MXRA5: variants seen among roughly 807,000 people sequenced by gnomAD.
MXRA5 encodes matrix-remodeling-associated protein 5.
A neutral mutation model predicts 112.5 loss-of-function variants in MXRA5; 41 were observed. The ratio of observed to expected loss-of-function variants is 0.36; its 90% CI spans 0.28 to 0.47. The LOEUF (loss-of-function observed/expected upper bound fraction) is 0.47. Ranked by LOEUF, MXRA5 falls within the 20% of genes least tolerant of loss-of-function variation. The pLI is 0.99. For synonymous variants in MXRA5, 862 were observed against 900.8 expected (o/e 0.96, Z 0.77); for missense variants, 2,150 against 2,251.0 (o/e 0.96, Z 0.91).
chrX:3,325,998 T>A (rs1156441325), intron 4 of MXRA5, among the ~76,000 whole-genome samples: 1 of 64,359 alleles, frequency 1.6e-5, no homozygotes, highest in South Asian at 9.8e-4. Flanking sequence ...ATTTATATAT[T>A]ATATATTATA....
Position 3,310,005 on chromosome X carries a change from G to A in MXRA5, c.8198C>T (p.Pro2733Leu). ...CGGGGTGGGCTCGCTGGTGATCCGG[G>A]GAGGATAGGCGATCACAATCACGGG... ...SIPVIVIAYP[P>L]RITSEPTPVI... is the part of the protein sequence containing the mutation. Residue 2733 changes from proline (P) to leucine (L), a missense_variant, in exon 7 of 7, where the codon CCC (proline) becomes CTC (leucine). Transcript: ENST00000217939. 1.7e-6 allele frequency: 2 copies of A among 1,211,537 alleles called. No individual in the cohort carries two copies. The highest frequency in any genetic ancestry group is 2.2e-6 in the Non-Finnish European group (2 of 895,429).
Position 3,324,700 on chromosome X carries a change from T to C in MXRA5, c.985A>G (p.Met329Val). The change falls in exon 5 of 7, where the codon ATG becomes GTG. Residue 329 changes from methionine to valine, a missense_variant. Around this residue, in one of 6 missense-constraint regions of MXRA5, gnomAD observed 386 missense variants for 411.0 expected, o/e 0.94. Coordinates refer to ENST00000217939, the MANE Select transcript of MXRA5 (RefSeq NM_015419.4). ...SLNMTDEHGN[M>V]VNLVCDIKKP... Reference sequence around the variant, plus strand: ...TTGATGTCACAGACCAAGTTCACCATGTTCCCGTGCTCGTCGGTCATATTC... The same window carrying C: ...TTGATGTCACAGACCAAGTTCACCACGTTCCCGTGCTCGTCGGTCATATTC... The C allele has an allele frequency of 8.3e-7, 1 of 1,210,705 alleles. No individual in the cohort carries two copies. The highest frequency in any genetic ancestry group is 1.8e-5 in the South Asian group (1 of 56,901).
chrX:3,320,126 T>A lies in MXRA5; in HGVS notation c.5559A>T (p.Pro1853=). The A allele has an allele frequency of 8.3e-7, 1 of 1,210,576 alleles. No homozygotes were observed. The change falls in exon 5 of 7, where the codon CCA becomes CCT. Residue 1853 remains proline (P), a synonymous_variant. Transcript: ENST00000217939. ...ASKFWSLGEK[P]QILTKSPQTV... ...TCTGTGGGGACTTGGTGAGGATTTG[T>A]GGCTTTTCCCCAAGAGACCAGAATT...
At chrX:3,333,438 G>C (rs1443548069) in intron 2 of MXRA5, among the ~76,000 whole-genome samples, 1 of 108,697 alleles carries the variant, frequency 9.2e-6, no homozygotes, top group African/African-American at 3.4e-5. Context: ...CTATTACCTA[G>C]TGGTACTTTG....
intron 4 of MXRA5, among the ~76,000 whole-genome samples, chrX:3,327,830 A>G (rs757259964): frequency 6.2e-5 from 7 of 113,139 alleles, no homozygotes; most frequent in South Asian, 3.6e-4. Flanking sequence ...CTCACTATAT[A>G]AAACTAACCT....
rs1428747814 is a variant in MXRA5 at position 3,321,481 on chromosome X, C to T, written c.4204G>A (p.Glu1402Lys). The T allele has an allele frequency of 8.3e-7, 1 of 1,211,209 alleles. No individual in the cohort carries two copies. Among genetic ancestry groups the T allele is most frequent in the Non-Finnish European group, 1.1e-6 (1 of 895,203 alleles). The change falls in exon 5 of 7, where the codon GAA becomes AAA. Residue 1402 changes from glutamate to lysine, a missense_variant. By Grantham distance (56) the Glu-to-Lys change is moderately conservative. Transcript: ENST00000217939. The part of the protein sequence containing the change: ...QTGIPVTTSG[E>K]NLTDPPLLKE... The stretch of plus-strand genomic sequence containing the variant: ...AGAAGGGGAGGGTCTGTAAGATTTT[C>T]CCCAGAAGTGGTAACAGGTATGCCT...
intron 2 of MXRA5, among the ~76,000 whole-genome samples, chrX:3,334,717 A>G (rs1921745083): frequency 8.9e-6 from 1 of 112,137 alleles, no homozygotes. Context: ...TCATACAGGA[A>G]TCATAATATT....
rs1427441510 is a variant in MXRA5, at chrX:3,324,864, G to A, written c.821C>T (p.Thr274Ile). Residue 274 changes from threonine (T) to isoleucine (I), a missense_variant, in exon 5 of 7, where the codon ACT (threonine) becomes ATT (isoleucine). Physicochemically the swap from Thr to Ile is moderately conservative, Grantham distance 89. Transcript: ENST00000217939. ...KHEIHKLKDM[T>I]CLKPSIESPL... ...GGACTCTATTGAAGGCTTCAGACAA[G>A]TCATGTCCTTCAGCTTGTGTATCTC... is the stretch of plus-strand genomic sequence containing the variant. The A allele has an allele frequency of 9.1e-6, 11 of 1,211,740 alleles. No homozygotes were observed. Among genetic ancestry groups the A allele is most frequent in the Non-Finnish European group, 8.9e-6 (8 of 895,541 alleles).
intron 4 of MXRA5, among the ~76,000 whole-genome samples, chrX:3,326,481 A>G (rs1921512827): frequency 9.7e-6 from 1 of 103,579 alleles, no homozygotes; most frequent in Admixed American, 1.1e-4. Context: ...TATAATCAAT[A>G]TGTATGTATC....
At chrX:3,339,106 AAT>A (rs889653902) in intron 2 of MXRA5, among the ~76,000 whole-genome samples, 1 of 110,924 alleles carries the variant, frequency 9.0e-6, no homozygotes. Flanking sequence ...AAGAAGGGAA[AAT>A]AGGAACAAAG....
intron 2 of MXRA5, among the ~76,000 whole-genome samples, chrX:3,333,723 G>A (rs1603468171): frequency 9.0e-6 from 1 of 111,572 alleles, no homozygotes; most frequent in Admixed American, 9.6e-5. Flanking sequence ...AAAACTCCCC[G>A]AAATATAATG....
chrX:3,328,607 C>A (rs1187553215), intron 4 of MXRA5, among the ~76,000 whole-genome samples: 1 of 110,763 alleles, frequency 9.0e-6, no homozygotes, highest in Non-Finnish European at 1.9e-5. Flanking sequence ...TTAGAATGCT[C>A]CCCCTTTCTA....
In MXRA5 at chrX:3,317,366, C is replaced by T; in HGVS notation, c.6315G>A (p.Gly2105=). ...GCGCGAGGTTGCGGATGTAGAGCGT[C>T]CCGTTGGGGAAAACAAACAAGTTCC... ...LHGNLFVFPN[G]TLYIRNLAPK... The change falls in exon 6 of 7, where the codon GGG becomes GGA. Residue 2105 remains glycine (G), a synonymous_variant. Coordinates refer to ENST00000217939, the MANE Select transcript of MXRA5 (RefSeq NM_015419.4). 1 of 1,209,752 alleles carries T rather than the reference C, an allele frequency of 8.3e-7. No homozygotes were observed. Among genetic ancestry groups the T allele is most frequent in the Non-Finnish European group, 1.1e-6 (1 of 894,733 alleles).
chrX:3,332,250 CTT>C (rs749412827), intron 2 of MXRA5, among the ~76,000 whole-genome samples: 4 of 105,527 alleles, frequency 3.8e-5, no homozygotes, highest in African/African-American at 3.4e-5. Context: ...CATTCTTCTT[CTT>C]TTTTTTTTTT....
rs374576962 is a variant in MXRA5, at chrX:3,323,695, C to T, written c.1990G>A (p.Val664Met). The T allele has an allele frequency of 7.4e-6, 9 of 1,208,578 alleles. No individual in the cohort carries two copies. The highest frequency in any genetic ancestry group is 1.0e-5 in the Non-Finnish European group (9 of 894,154). ...CCTTTCTTGGTCACTGTGATTCCCA[C>T]CGTAAAATGGTCTGCCCCTTGCTGG... ...VNQQGADHFT[V>M]GITVTKKGSG... Residue 664 changes from valine (V) to methionine (M), a missense_variant, in exon 5 of 7, where the codon GTG becomes ATG. Coordinates refer to ENST00000217939, the MANE Select transcript of MXRA5 (RefSeq NM_015419.4).
At chrX:3,335,594 G>A (rs189658199) in intron 2 of MXRA5, among the ~76,000 whole-genome samples, 92 of 112,484 alleles carry the variant, frequency 8.2e-4, no homozygotes, top group Non-Finnish European at 1.4e-3. Flanking sequence ...GTCTTACAGG[G>A]TATGTTTGCG....
At chrX:3,334,872 C>T (rs907623110) in intron 2 of MXRA5, among the ~76,000 whole-genome samples, 2 of 111,502 alleles carry the variant, frequency 1.8e-5, no homozygotes, top group African/African-American at 6.5e-5. Flanking sequence ...GAACTTTGCA[C>T]CCTGATTCCA....
intron 2 of MXRA5, among the ~76,000 whole-genome samples, chrX:3,335,389 GT>G (rs1433840201): frequency 9.0e-6 from 1 of 111,371 alleles, no homozygotes; most frequent in Non-Finnish European, 1.9e-5. Flanking sequence ...TAGAGACAGG[GT>G]TTCACCATGT....
intron 6 of MXRA5, among the ~76,000 whole-genome samples, chrX:3,315,391 T>TGATAGATAGATG (rs1921082872): frequency 1.8e-5 from 1 of 56,708 alleles, no homozygotes; most frequent in Non-Finnish European, 3.2e-5. Context: ...GATAGATAGA[T>TGATAGATAGATG]GATAGATAGA....
Sources: gnomAD v4.1 joint callset for allele counts (sites outside exome capture counted in the v4.1 genomes callset) on GRCh38, gnomAD v4.1.1 for gene constraint, gnomAD v4.1.1 regional missense constraint, MANE v1.5 for transcripts, NCBI Gene and HGNC (gene_info 2026-07-23, HGNC 2026-07-21) for gene names.